Variants in DLX6 observed in about 807,000 individuals in gnomAD.
The protein encoded by DLX6 is homeobox protein DLX-6.
In DLX6, 4 loss-of-function variants were observed where a neutral mutation model predicts 33.5. The observed-to-expected ratio is 0.12, with a 90% CI of 0.06 to 0.27. The LOEUF (loss-of-function observed/expected upper bound fraction) is 0.27, where lower values mean the gene tolerates loss of function less well. Ranked by LOEUF, DLX6 falls within the 10% of genes least tolerant of loss-of-function variation. The probability of loss-of-function intolerance (pLI) is 1.00; values close to 1 mark genes in which losing one functional copy is unlikely to be tolerated. For missense variants in DLX6, 382 were observed against 393.3 expected (o/e 0.97, Z 0.24); for synonymous variants, 184 against 164.8 (o/e 1.12, Z -0.89).
chr7:97,009,751 C>G, intron 2 of DLX6, 45 bp from the exon 3 acceptor site: 1 of 1,592,204 alleles, frequency 6.3e-7, no homozygotes, highest in South Asian at 1.1e-5. Context: ...GTTAGAGGCA[C>G]TGGTTTGATG....
Position 97,010,034 on chromosome 7 carries a change from C to A in DLX6, c.869C>A (p.Pro290Gln). The change falls in exon 3 of 3, where the codon CCA becomes CAA. Residue 290 changes from proline to glutamine, a missense_variant. Pro to Gln is a moderately conservative substitution (Grantham distance 76). Around this residue, in one of 4 missense-constraint regions of DLX6, gnomAD observed 96 missense variants for 93.3 expected, o/e 1.03. Transcript: ENST00000518156. ...SSPHQDTMQR[P>Q]QMM ...CCACACCAGGACACGATGCAGAGACCACAGATGATGTGAGTTGCCCAAGGG... is the reference window on the plus strand; with the variant it reads ...CCACACCAGGACACGATGCAGAGACAACAGATGATGTGAGTTGCCCAAGGG... 12 of 1,595,102 alleles carry A rather than the reference C, an allele frequency of 7.5e-6. No homozygotes were observed. Among genetic ancestry groups the A allele is most frequent in the Non-Finnish European group, 1.0e-5 (12 of 1,170,488 alleles).
rs1584158029 is a variant in DLX6, at chr7:97,010,179, G to A, written c.*132G>A. 2.6e-5 allele frequency: 27 copies of A among 1,047,334 alleles called. No individual in the cohort carries two copies. In the South Asian group the frequency reaches 4.7e-4, roughly 18 times the overall value. 64.9% of individuals were successfully genotyped at this position (1,047,334 alleles called of 1,614,324 possible). ...ATAAGTGTGGCAAGAAGCCGACTAGGCTCATTCTCTCTCCCTCTCTCTCTC... is the reference window on the plus strand; with the variant it reads ...ATAAGTGTGGCAAGAAGCCGACTAGACTCATTCTCTCTCCCTCTCTCTCTC... On this transcript the variant is annotated 3_prime_UTR_variant, in exon 3 of 3. Coordinates refer to ENST00000518156, the MANE Select transcript of DLX6 (RefSeq NM_005222.4).
Position 97,010,087 on chromosome 7 carries a change from GAA to G in DLX6, c.*43_*44del, listed in dbSNP as rs760229000. 6.4e-7 allele frequency: 1 copy of G among 1,554,240 alleles called. No individual in the cohort carries two copies. The highest frequency in any genetic ancestry group is 2.4e-5 in the East Asian group (1 of 41,336). On this transcript the variant is annotated 3_prime_UTR_variant, in exon 3 of 3. Coordinates refer to ENST00000518156, the MANE Select transcript of DLX6 (RefSeq NM_005222.4). ...CACCCTAGGGAAACGTCTGAACAAG[GAA>G]AAGAGGATCCGGGACCTGCTTGTAT... is the stretch of plus-strand genomic sequence containing the variant.
intron 1 of DLX6, 23 bp downstream of exon 1, chr7:97,006,436 C>T: frequency 7.7e-7 from 1 of 1,292,594 alleles, no homozygotes; most frequent in Non-Finnish European, 9.9e-7. Flanking sequence ...TGGGGCAGCT[C>T]GCTTCTCCCG....
At chr7:97,006,528 C>G in intron 1 of DLX6, 115 bp downstream of exon 1, 1 of 1,139,142 alleles carries the variant, frequency 8.8e-7, no homozygotes, top group Non-Finnish European at 1.1e-6. Context: ...CCAGGCGGCC[C>G]CGCGCGCCCT....
intron 1 of DLX6, 22 bp downstream of exon 1, chr7:97,006,435 T>C: frequency 6.2e-6 from 8 of 1,294,992 alleles, no homozygotes; most frequent in Non-Finnish European, 6.9e-6. Context: ...CTGGGGCAGC[T>C]CGCTTCTCCC....
chr7:97,007,334 C>A lies in DLX6; in HGVS notation c.437-304C>A, dbSNP rs1460328095. 6.8e-6 allele frequency: 4 copies of A among 592,404 alleles called. No homozygotes were observed. The South Asian group carries it at 8.4e-5, about 12-fold the overall frequency. 36.7% of individuals were successfully genotyped at this position (592,404 alleles called of 1,614,324 possible). A position where few individuals can be genotyped will look rare whatever the true frequency, so the allele number is the denominator to read the frequency against. On this transcript the variant is annotated intron_variant, in intron 1 of 2. Transcript: ENST00000518156. ...GGACAGCTGCCGCCTTGCTGCGCTG[C>A]GCACCCCAGAGAGCCTCCGGCACCG...
At position 97,006,516 on chromosome 7, in the gene DLX6, C is replaced by T. The variant is rs571118593; in HGVS notation, c.436+103C>T. 5.2e-3 allele frequency: 6,123 copies of T among 1,170,804 alleles called. 28 individuals are homozygous for T. Among genetic ancestry groups the T allele is most frequent in the Middle Eastern group, 8.6e-3 (26 of 3,028 alleles). The allele number at this position is 1,170,804 out of a possible 1,614,324, so 72.5% of individuals were successfully genotyped here. ...CGCCCGGGCCTCCGCCGGCCCCCTCCCCCAGGCGGCCCCGCGCGCCCTTGG... is the reference window on the plus strand; with the variant it reads ...CGCCCGGGCCTCCGCCGGCCCCCTCTCCCAGGCGGCCCCGCGCGCCCTTGG... On this transcript the variant is annotated intron_variant, in intron 1 of 2. Transcript: ENST00000518156.
rs746036175 is a variant in DLX6, at chr7:97,006,232, G to GCAC, written c.273_275dup (p.His91dup). 146 of 1,512,552 alleles carry GCAC rather than the reference G, an allele frequency of 9.7e-5. No homozygotes were observed. The highest frequency in any genetic ancestry group is 4.7e-4 in the African/African-American group (33 of 70,354). 93.7% of individuals were successfully genotyped at this position (1,512,552 alleles called of 1,614,324 possible). Reference sequence around the variant, plus strand: ...CGGCGGCGGCGGCAGCGGCCGGCTCGCACCACCACCACCACCACCAGCACC... The same window carrying GCAC: ...CGGCGGCGGCGGCAGCGGCCGGCTCGCACCACCACCACCACCACCACCAGCACC... On this transcript the variant is annotated inframe_insertion, in exon 1 of 3. Transcript: ENST00000518156.
rs1179817792 is a variant in DLX6, at chr7:97,006,385, A to G, written c.408A>G (p.Ala136=). 7.7e-6 allele frequency: 11 copies of G among 1,436,566 alleles called. No homozygotes were observed. Among genetic ancestry groups the G allele is most frequent in the Non-Finnish European group, 9.2e-6 (10 of 1,083,528 alleles). The allele number at this position is 1,436,566 out of a possible 1,614,324, so 89.0% of individuals were successfully genotyped here. ...PYLQSYHNSS[A]AAQTRGDDTD... Reference sequence around the variant, plus strand: ...TCCAGTCCTACCACAACAGCAGCGCAGCCGCCCAGACGCGAGGGGACGACA... The same window carrying G: ...TCCAGTCCTACCACAACAGCAGCGCGGCCGCCCAGACGCGAGGGGACGACA... The change falls in exon 1 of 3, where the codon GCA becomes GCG. Residue 136 remains alanine, a synonymous_variant. Coordinates refer to ENST00000518156, the MANE Select transcript of DLX6 (RefSeq NM_005222.4).
chr7:97,010,214 C>T lies in DLX6; in HGVS notation c.*167C>T, dbSNP rs1789818752. 4.5e-6 allele frequency: 3 copies of T among 670,646 alleles called. No individual in the cohort carries two copies. The highest frequency in any genetic ancestry group is 7.1e-6 in the Non-Finnish European group (3 of 424,020). The allele number at this position is 670,646 out of a possible 1,614,324, so 41.5% of individuals were successfully genotyped here. ...TCTCCCTCTCTCTCTCTCTCCCTCT[C>T]CTTTCTTTTTACTTCTTCCTTTCCT... is the stretch of plus-strand genomic sequence containing the variant. On this transcript the variant is annotated 3_prime_UTR_variant, in exon 3 of 3. Transcript: ENST00000518156.
rs1462172237 is a variant in DLX6 at position 97,007,559 on chromosome 7, G to C, written c.437-79G>C. ...CCCTTATTGGGCTTTGGGGAGACTCGTTGCATGCCACGCCAGGAGCAGGGA... is the reference window on the plus strand; with the variant it reads ...CCCTTATTGGGCTTTGGGGAGACTCCTTGCATGCCACGCCAGGAGCAGGGA... On this transcript the variant is annotated intron_variant, in intron 1 of 2. Transcript: ENST00000518156. 4 of 1,377,944 alleles carry C rather than the reference G, an allele frequency of 2.9e-6. No homozygotes were observed. The African/African-American group carries it at 4.3e-5, about 15-fold the overall frequency. 85.4% of individuals were successfully genotyped at this position (1,377,944 alleles called of 1,614,324 possible).
chr7:97,005,782 A>G lies in DLX6; in HGVS notation c.-196A>G. 3.6e-6 allele frequency: 1 copy of G among 278,078 alleles called. No homozygotes were observed. The highest frequency in any genetic ancestry group is 6.2e-5 in the East Asian group (1 of 16,064). 17.2% of individuals were successfully genotyped at this position (278,078 alleles called of 1,614,324 possible). On this transcript the variant is annotated 5_prime_UTR_variant, in exon 1 of 3. The change creates a new upstream start codon in the 5' untranslated region. Transcript: ENST00000518156. Reference sequence around the variant, plus strand: ...CACTATATCTCTTTATATTAAATATATATATATATTAGAGAAGAGCGAGGG... The same window carrying G: ...CACTATATCTCTTTATATTAAATATGTATATATATTAGAGAAGAGCGAGGG...
rs575323334 is a variant in DLX6, at chr7:97,010,100, G to A, written c.*53G>A. ...CGTCTGAACAAGGAAAAGAGGATCC[G>A]GGACCTGCTTGTATCTGCGAAAAGG... On this transcript the variant is annotated 3_prime_UTR_variant, in exon 3 of 3. Transcript: ENST00000518156. The A allele has an allele frequency of 1.4e-5, 21 of 1,544,304 alleles. No homozygotes were observed. Among genetic ancestry groups the A allele is most frequent in the South Asian group, 6.0e-5 (5 of 83,346 alleles).
Position 97,006,412 on chromosome 7 carries a change from A to C in DLX6, c.435A>C (p.Thr145=). 7.3e-7 allele frequency: 1 copy of C among 1,370,820 alleles called. No individual in the cohort carries two copies. The highest frequency in any genetic ancestry group is 9.5e-7 in the Non-Finnish European group (1 of 1,047,868). The allele number at this position is 1,370,820 out of a possible 1,614,324, so 84.9% of individuals were successfully genotyped here. Residue 145 remains threonine (T), a splice_region_variant and synonymous_variant, in exon 1 of 3, where the codon ACA becomes ACC. Transcript: ENST00000518156. ...SAAAQTRGDD[T]DQQKTTVIEN... is the part of the protein sequence containing the mutation. ...CCGCCCAGACGCGAGGGGACGACAC[A>C]GGTGAGAGGCCGCTGGGGCAGCTCG...
At chr7:97,007,162 GGA>G (rs1289506666) in intron 1 of DLX6, 1 of 279,668 alleles carries the variant, frequency 3.6e-6, no homozygotes, top group African/African-American at 2.2e-5. Context: ...GTCCTCCTCA[GGA>G]GAGTCATTTC....
Position 97,006,023 on chromosome 7 carries a change from T to C in DLX6, c.46T>C (p.Ser16Pro). 6.3e-7 allele frequency: 1 copy of C among 1,598,128 alleles called. No homozygotes were observed. Among genetic ancestry groups the C allele is most frequent in the Non-Finnish European group, 8.5e-7 (1 of 1,172,922 alleles). ...GGCTGACGGCTTGGAAGGCCAGGAC[T>C]CGTCCAAATCCGCCTTCATGGAGTT... ...TMADGLEGQDSSKSAFMEFGQ... is the reference protein window; with the variant it reads ...TMADGLEGQDPSKSAFMEFGQ... The change falls in exon 1 of 3, where the codon TCG (serine) becomes CCG (proline). Residue 16 changes from serine to proline, a missense_variant. Transcript: ENST00000518156.
chr7:97,007,331 C>G (rs1789758492), intron 1 of DLX6: 2 of 591,760 alleles, frequency 3.4e-6, no homozygotes, highest in Non-Finnish European at 3.0e-6. Flanking sequence ...CCTTGCTGCG[C>G]TGCGCACCCC....
Position 97,007,406 on chromosome 7 carries a change from T to A in DLX6, c.437-232T>A, listed in dbSNP as rs1789760206. ...CTGTTTGTCTGAGGGCCTCTGGCGC[T>A]CCCTTGGCCCAGACGCTGCACATTG... On this transcript the variant is annotated intron_variant, in intron 1 of 2. Transcript: ENST00000518156. The A allele has an allele frequency of 2.5e-5, 15 of 602,472 alleles. No individual in the cohort carries two copies. The East Asian group carries it at 4.1e-4, about 17-fold the overall frequency. The allele number at this position is 602,472 out of a possible 1,614,324, so 37.3% of individuals were successfully genotyped here.
Sources: allele counts gnomAD v4.1 joint callset, GRCh38; gene constraint gnomAD v4.1.1; regional missense constraint gnomAD v4.1.1; transcripts MANE v1.5; gene names NCBI Gene and HGNC (gene_info 2026-07-23, HGNC 2026-07-21).